CD1B: variants seen among roughly 807,000 people sequenced by gnomAD.
CD1B encodes the protein CD1b molecule, also known as T-cell surface glycoprotein CD1b.
A neutral mutation model predicts 39.8 loss-of-function variants in CD1B; 43 were observed. The observed-to-expected ratio is 1.08, with a 90% confidence interval of 0.85 to 1.39. The LOEUF is 1.39. CD1B is among the 40% of genes most tolerant of loss of function. The pLI is 0.00. For missense variants in CD1B, 495 were observed against 403.8 expected (o/e 1.23, Z -1.94); for synonymous variants, 192 against 152.5 (o/e 1.26, Z -1.91).
At chr1:158,316,599 G>A in the CD1B span, among the ~76,000 whole-genome samples, 1 of 151,424 alleles carries the variant, frequency 6.6e-6, no homozygotes, top group Non-Finnish European at 1.5e-5. Context: ...CATGTCGTCT[G>A]CAAACAGGGA....
At chr1:158,303,188 T>A in the CD1B span, among the ~76,000 whole-genome samples, 1 of 152,180 alleles carries the variant, frequency 6.6e-6, no homozygotes, top group African/African-American at 2.4e-5. Flanking sequence ...AACACATGAT[T>A]ATCTCAACAG....
rs760675838 is a variant in CD1B, at chr1:158,328,906, C to A, written c.980+15G>T. The stretch of plus-strand genomic sequence containing the variant: ...AGACATATTAAAAAAAAAAACAACA[C>A]CACCCACAACTCACCGGCGCCTCAT... On this transcript the variant is annotated intron_variant, in intron 5 of 5. Coordinates refer to ENST00000368168, the MANE Select transcript of CD1B (RefSeq NM_001764.3). 6 of 1,550,432 alleles carry A rather than the reference C, an allele frequency of 3.9e-6. No individual in the cohort carries two copies. In the South Asian group the frequency reaches 6.1e-5, roughly 16 times the overall value.
At chr1:158,320,754 T>G in the CD1B span, among the ~76,000 whole-genome samples, 1 of 152,120 alleles carries the variant, frequency 6.6e-6, no homozygotes, top group Non-Finnish European at 1.5e-5. Context: ...TTCTTTTTGA[T>G]TTTTTTCACT....
chr1:158,330,053 G>C lies in CD1B; in HGVS notation c.406C>G (p.Leu136Val). ...ACACTCAGGAAATCCAATCCTCCTA[G>C]AGCTCCCCTCAGGAAGCTTACTATG... The part of the protein sequence containing the change: ...GAIVSFLRGA[L>V]GGLDFLSVKN... The change falls in exon 3 of 6, where the codon CTA (leucine) becomes GTA (valine). Residue 136 changes from leucine to valine, a missense_variant. Transcript: ENST00000368168. The C allele has an allele frequency of 1.2e-6, 2 of 1,613,926 alleles. No homozygotes were observed. Among genetic ancestry groups the C allele is most frequent in the Non-Finnish European group, 1.7e-6 (2 of 1,179,876 alleles).
At chr1:158,290,167 G>A in the CD1B span, 2 of 1,577,750 alleles carry the variant, frequency 1.3e-6, no homozygotes, top group Non-Finnish European at 8.7e-7. Flanking sequence ...ATGTATCTGG[G>A]TAGAGTGTGC....
At chr1:158,303,393 C>T in the CD1B span, among the ~76,000 whole-genome samples, 1 of 152,120 alleles carries the variant, frequency 6.6e-6, no homozygotes, top group African/African-American at 2.4e-5. Flanking sequence ...TCCACTCTTA[C>T]CACTGCTATT....
chr1:158,286,815 GGGGA>G, the CD1B span, among the ~76,000 whole-genome samples: 1 of 152,106 alleles, frequency 6.6e-6, no homozygotes, highest in Non-Finnish European at 1.5e-5. Context: ...GCACCCTGAG[GGGGA>G]ATTTCCCATA....
chr1:158,315,581 C>A, the CD1B span, among the ~76,000 whole-genome samples: 1 of 151,398 alleles, frequency 6.6e-6, no homozygotes, highest in Non-Finnish European at 1.5e-5. Flanking sequence ...GAGTAGGTTG[C>A]AAAAATTTTC....
chr1:158,300,614 TAA>T, the CD1B span, among the ~76,000 whole-genome samples: 23 of 152,234 alleles, frequency 1.5e-4, no homozygotes, highest in East Asian at 4.1e-3. Context: ...TGTGGGAGTA[TAA>T]GTCTCTTCGT....
chr1:158,330,378 C>G (rs147315754), intron 2 of CD1B, among the ~76,000 whole-genome samples: 1 of 152,126 alleles, frequency 6.6e-6, no homozygotes, highest in East Asian at 1.9e-4. Context: ...TGAGGCAGAG[C>G]GTGGTGCAGT....
the CD1B span, among the ~76,000 whole-genome samples, chr1:158,319,771 G>A: frequency 2.0e-5 from 3 of 152,204 alleles, no homozygotes; most frequent in Non-Finnish European, 2.9e-5. Context: ...TTTCTGTTCT[G>A]TTTTTTCCCC....
chr1:158,296,526 C>G, the CD1B span, among the ~76,000 whole-genome samples: 1 of 152,192 alleles, frequency 6.6e-6, no homozygotes, highest in Non-Finnish European at 1.5e-5. Context: ...ACTCAGGCAG[C>G]TCTAAAAGTC....
downstream of CD1B, among the ~76,000 whole-genome samples, chr1:158,323,190 T>A (rs1474533826): frequency 1.3e-5 from 2 of 152,134 alleles, no homozygotes; most frequent in African/African-American, 4.8e-5. Context: ...TTTTTTTTTA[T>A]TCTTTTTCCC....
the CD1B span, among the ~76,000 whole-genome samples, chr1:158,321,615 G>T: frequency 2.0e-5 from 3 of 152,018 alleles, no homozygotes; most frequent in African/African-American, 7.3e-5. Context: ...ATCCTTTTGT[G>T]GTTAAGTGAT....
At chr1:158,308,981 G>A in the CD1B span, among the ~76,000 whole-genome samples, 1 of 152,130 alleles carries the variant, frequency 6.6e-6, no homozygotes, top group Non-Finnish European at 1.5e-5. Flanking sequence ...ATTGACAAAT[G>A]GGATCTAATT....
At chr1:158,292,096 T>A in the CD1B span, 1 of 1,613,800 alleles carries the variant, frequency 6.2e-7, no homozygotes, top group South Asian at 1.1e-5. Context: ...CCCTTTGAAG[T>A]ACAGGTGAAA....
At chr1:158,301,463 G>C in the CD1B span, among the ~76,000 whole-genome samples, 1 of 152,110 alleles carries the variant, frequency 6.6e-6, no homozygotes, top group Admixed American at 6.5e-5. Context: ...TCCTTCAGGA[G>C]CTCTTGTAAG....
chr1:158,321,474 G>A, the CD1B span, among the ~76,000 whole-genome samples: 1 of 152,154 alleles, frequency 6.6e-6, no homozygotes, highest in Non-Finnish European at 1.5e-5. Context: ...ACTTTATGTT[G>A]TTTAATAGGA....
the CD1B span, chr1:158,292,311 C>T: frequency 1.2e-6 from 2 of 1,614,164 alleles, no homozygotes; most frequent in South Asian, 1.1e-5. Context: ...AAGCACTTGC[C>T]CCCGATTTCT....
Sources: allele counts gnomAD v4.1 joint callset (sites outside exome capture counted in the v4.1 genomes callset), GRCh38; gene constraint gnomAD v4.1.1; transcripts MANE v1.5; gene names NCBI Gene and HGNC (gene_info 2026-07-23, HGNC 2026-07-21).